The following ZNF804B variants were observed in gnomAD, a reference collection of about 807,000 sequenced individuals.
ZNF804B encodes zinc finger protein 804B, also known as zinc finger 804B.
Under a neutral mutation model 101.4 loss-of-function variants are expected in ZNF804B, and 80 were observed. The observed-to-expected ratio is 0.79, with a 90% CI of 0.66 to 0.95. The LOEUF is 0.95. Ranked by LOEUF, ZNF804B falls within the 40% of genes least tolerant of loss-of-function variation. The probability of loss-of-function intolerance (pLI) is 0.00; values close to 1 mark genes in which losing one functional copy is unlikely to be tolerated. For missense variants in ZNF804B, 1,673 were observed against 1,561.9 expected (o/e 1.07, Z -1.20); for synonymous variants, 622 against 558.8 (o/e 1.11, Z -1.59).
intron 1 of ZNF804B, among the ~76,000 whole-genome samples, chr7:88,904,581 G>A (rs1792440226): frequency 6.6e-6 from 1 of 152,142 alleles, no homozygotes; most frequent in East Asian, 1.9e-4. Flanking sequence ...TCCAATCCAT[G>A]AGCATGGAAT....
Position 89,334,373 on chromosome 7 carries a change from T to A in ZNF804B, c.1391T>A (p.Phe464Tyr). 1.2e-6 allele frequency: 2 copies of A among 1,613,810 alleles called. No homozygotes were observed. Among genetic ancestry groups the A allele is most frequent in the Non-Finnish European group, 1.7e-6 (2 of 1,179,840 alleles). Residue 464 changes from phenylalanine to tyrosine, a missense_variant, in exon 4 of 4, where the codon TTT (phenylalanine) becomes TAT (tyrosine). Phe to Tyr is a conservative substitution (Grantham distance 22, BLOSUM62 3). Coordinates refer to ENST00000333190, the MANE Select transcript of ZNF804B (RefSeq NM_181646.5). Reference sequence around the variant, plus strand: ...CAATGGCCTACGGAACTTCTGCTCTTTACAAAAACAGAACCCTGTATCTCT... The same window carrying A: ...CAATGGCCTACGGAACTTCTGCTCTATACAAAAACAGAACCCTGTATCTCT... ...TLQWPTELLL[F>Y]TKTEPCISYG...
chr7:88,885,190 G>A (rs1000611294), intron 1 of ZNF804B, among the ~76,000 whole-genome samples: 1 of 151,972 alleles, frequency 6.6e-6, no homozygotes, highest in Non-Finnish European at 1.5e-5. Context: ...AGTGAAAATA[G>A]TTGGGCATTA....
chr7:89,217,062 T>A (rs1052325702), intron 1 of ZNF804B, among the ~76,000 whole-genome samples: 2 of 152,196 alleles, frequency 1.3e-5, no homozygotes, highest in African/African-American at 4.8e-5. Flanking sequence ...CTAGACAACA[T>A]GTTGTTTAGT....
intron 2 of ZNF804B, among the ~76,000 whole-genome samples, chr7:89,324,018 A>C (rs58020215): frequency 0.026 from 4,004 of 152,130 alleles, 170 homozygotes; most frequent in African/African-American, 0.092. Flanking sequence ...TGGCCTCTGG[A>C]TTCTTAGAAG....
At chr7:88,763,923 T>C (rs1041567862) in intron 1 of ZNF804B, among the ~76,000 whole-genome samples, 2 of 152,150 alleles carry the variant, frequency 1.3e-5, no homozygotes, top group African/African-American at 4.8e-5. Context: ...CCAGTCCACA[T>C]GGGCTGCTCT....
At chr7:88,862,154 G>GTATA (rs1460777105) in intron 1 of ZNF804B, among the ~76,000 whole-genome samples, 15 of 152,108 alleles carry the variant, frequency 9.9e-5, no homozygotes, top group Non-Finnish European at 1.8e-4. Flanking sequence ...TAGACTAAAG[G>GTATA]ACATGTAGTA....
At chr7:89,164,770 T>C (rs1263831076) in intron 1 of ZNF804B, among the ~76,000 whole-genome samples, 1 of 152,150 alleles carries the variant, frequency 6.6e-6, no homozygotes, top group Non-Finnish European at 1.5e-5. Context: ...ATACACAGCA[T>C]AACATTATGT....
chr7:89,123,760 C>G (rs1790439107), intron 1 of ZNF804B, among the ~76,000 whole-genome samples: 1 of 151,766 alleles, frequency 6.6e-6, no homozygotes, highest in African/African-American at 2.4e-5. Context: ...GAAACTGAGA[C>G]AGAGAGGATG....
intron 1 of ZNF804B, among the ~76,000 whole-genome samples, chr7:88,851,203 A>G (rs865814296): frequency 7.2e-5 from 11 of 152,250 alleles, no homozygotes; most frequent in African/African-American, 2.6e-4. Flanking sequence ...CTGAAGAAGG[A>G]GTAGGGCATA....
intron 1 of ZNF804B, among the ~76,000 whole-genome samples, chr7:89,094,034 A>G (rs558401348): frequency 6.6e-6 from 1 of 152,348 alleles, no homozygotes; most frequent in East Asian, 1.9e-4. Flanking sequence ...CAATAATTCC[A>G]TATACAAATA....
chr7:88,878,640 A>G (rs1240046139), intron 1 of ZNF804B, among the ~76,000 whole-genome samples: 5 of 152,168 alleles, frequency 3.3e-5, no homozygotes, highest in Admixed American at 1.3e-4. Flanking sequence ...TTGACAATGA[A>G]AACAAAATTG....
chr7:89,215,617 CTCG>C (rs1414849172), intron 1 of ZNF804B, among the ~76,000 whole-genome samples: 2 of 151,976 alleles, frequency 1.3e-5, no homozygotes, highest in Non-Finnish European at 2.9e-5. Flanking sequence ...GGGGCGGTGG[CTCG>C]CGCCTGTAAT....
At chr7:88,826,970 C>T (rs1365535819) in intron 1 of ZNF804B, among the ~76,000 whole-genome samples, 1 of 151,928 alleles carries the variant, frequency 6.6e-6, no homozygotes, top group Admixed American at 6.6e-5. Context: ...CCCCATTATT[C>T]CTACCAGATG....
At chr7:88,851,873 A>G (rs77094006) in intron 1 of ZNF804B, among the ~76,000 whole-genome samples, 2,503 of 152,250 alleles carry the variant, frequency 0.016, 51 homozygotes, top group African/African-American at 0.041. Context: ...AAATGGATAC[A>G]TACTTGGTTC....
intron 1 of ZNF804B, among the ~76,000 whole-genome samples, chr7:88,772,294 ATCT>A (rs1483884922): frequency 1.3e-5 from 2 of 152,110 alleles, no homozygotes; most frequent in Non-Finnish European, 2.9e-5. Flanking sequence ...AAAACCATAA[ATCT>A]TCTTTATGTG....
At position 88,794,944 on chromosome 7, in the gene ZNF804B, A is replaced by T. The variant is rs779962904; in HGVS notation, c.108+34860A>T. ...CTGGTTATGGACCGAAAAGGACATGAGGAGTCTTATTTATTTTTCCAGATG... is the reference window on the plus strand; with the variant it reads ...CTGGTTATGGACCGAAAAGGACATGTGGAGTCTTATTTATTTTTCCAGATG... On this transcript the variant is annotated intron_variant, in intron 1 of 3. Transcript: ENST00000333190. 3.8e-6 allele frequency: 6 copies of T among 1,559,054 alleles called. No homozygotes were observed. In the African/African-American group the frequency reaches 5.5e-5, roughly 14 times the overall value.
Position 89,218,190 on chromosome 7 carries a change from G to T in ZNF804B, c.144G>T (p.Leu48=). ...AAAAGAAGTCCACAGCAAAGGCCCT[G>T]GAAGATGTAAAGGCAAACTTTTACT... The part of the protein sequence containing the change: ...FAEKKSTAKA[L]EDVKANFYCE... Residue 48 remains leucine (L), a synonymous_variant, in exon 2 of 4, where the codon CTG becomes CTT. Transcript: ENST00000333190. 1 of 1,613,748 alleles carries T rather than the reference G, an allele frequency of 6.2e-7. No individual in the cohort carries two copies.
At chr7:89,211,048 G>C (rs1402545682) in intron 1 of ZNF804B, among the ~76,000 whole-genome samples, 2 of 152,214 alleles carry the variant, frequency 1.3e-5, no homozygotes, top group Non-Finnish European at 2.9e-5. Flanking sequence ...ACTGGTGAGA[G>C]ATGGTATTTC....
At chr7:88,998,682 G>T (rs1788238467) in intron 1 of ZNF804B, among the ~76,000 whole-genome samples, 3 of 151,950 alleles carry the variant, frequency 2.0e-5, no homozygotes, top group Admixed American at 2.0e-4. Flanking sequence ...GAGAAAACCT[G>T]GAGAAATTGA....
Sources: allele counts gnomAD v4.1 joint callset (sites outside exome capture counted in the v4.1 genomes callset), GRCh38; gene constraint gnomAD v4.1.1; transcripts MANE v1.5; gene names NCBI Gene and HGNC (gene_info 2026-07-23, HGNC 2026-07-21).